C10orf90: variants seen among roughly 807,000 people sequenced by gnomAD.
C10orf90 encodes the protein (E2-independent) E3 ubiquitin-conjugating enzyme FATS.
Under a neutral mutation model 62.5 loss-of-function variants are expected in C10orf90, and 56 were observed. The ratio of observed to expected loss-of-function variants is 0.90; its 90% confidence interval spans 0.72 to 1.12. The LOEUF (loss-of-function observed/expected upper bound fraction) is 1.12. C10orf90 is among the 50% of genes most tolerant of loss of function. The pLI is 0.00. For missense variants in C10orf90, 970 were observed against 880.4 expected (o/e 1.10, Z -1.29); for synonymous variants, 386 against 340.4 (o/e 1.13, Z -1.47).
intron 4 of C10orf90, among the ~76,000 whole-genome samples, chr10:126,488,290 TA>T (rs1861544310): frequency 6.6e-6 from 1 of 152,040 alleles, no homozygotes; most frequent in Admixed American, 6.6e-5. Flanking sequence ...AAGACATAAT[TA>T]AAACAAAGGG....
chr10:126,605,954 A>G (rs1448072781), intron 2 of C10orf90, among the ~76,000 whole-genome samples: 1 of 152,254 alleles, frequency 6.6e-6, no homozygotes, highest in Non-Finnish European at 1.5e-5. Flanking sequence ...TGTCTGAAAT[A>G]TGATCCTTAA....
chr10:126,630,736 T>A (rs1358639923), intron 2 of C10orf90, among the ~76,000 whole-genome samples: 1 of 152,134 alleles, frequency 6.6e-6, no homozygotes, highest in Non-Finnish European at 1.5e-5. Flanking sequence ...ACTTTACTTC[T>A]GAACTAAAAA....
chr10:126,446,656 G>A lies in C10orf90; in HGVS notation c.2188+12384C>T, dbSNP rs571075272. On this transcript the variant is annotated intron_variant, in intron 7 of 9. Coordinates refer to ENST00000488181, the MANE Select transcript of C10orf90 (RefSeq NM_001350921.2). ...GAAGTTTTTCACACTAAAGCAAAAG[G>A]ATACTAATTACTAACATCAAAACAT... Among the ~76,000 whole-genome samples, 7 of 152,170 alleles carry A rather than the reference G, an allele frequency of 4.6e-5. No homozygotes were observed. In the South Asian group the frequency reaches 1.5e-3, roughly 32 times the overall value.
chr10:126,645,605 A>T lies in C10orf90; in HGVS notation c.313+960T>A, dbSNP rs75485235. ...ACCCTGCCTAAAAAAAAAAAAAAAAAAAGAACAAGCTGTAAACCATGCTTC... is the reference window on the plus strand; with the variant it reads ...ACCCTGCCTAAAAAAAAAAAAAAAATAAGAACAAGCTGTAAACCATGCTTC... On this transcript the variant is annotated intron_variant, in intron 2 of 9. Coordinates refer to ENST00000488181, the MANE Select transcript of C10orf90 (RefSeq NM_001350921.2). Among the ~76,000 whole-genome samples, 515 of 152,092 alleles carry T rather than the reference A, an allele frequency of 3.4e-3. 3 individuals are homozygous for T. Among genetic ancestry groups the T allele is most frequent in the African/African-American group, 0.012 (503 of 41,482 alleles).
chr10:126,588,746 A>T (rs758770766), intron 2 of C10orf90, among the ~76,000 whole-genome samples: 2 of 152,226 alleles, frequency 1.3e-5, no homozygotes, highest in Non-Finnish European at 2.9e-5. Context: ...CACAAAGATG[A>T]GAGAGAATCA....
At chr10:126,634,085 A>G (rs1845903134) in intron 2 of C10orf90, among the ~76,000 whole-genome samples, 1 of 152,208 alleles carries the variant, frequency 6.6e-6, no homozygotes, top group African/African-American at 2.4e-5. Context: ...TCCTTAAAAA[A>G]TTAAAAATAA....
At chr10:126,480,063 A>T (rs534867698) in intron 4 of C10orf90, among the ~76,000 whole-genome samples, 1 of 152,332 alleles carries the variant, frequency 6.6e-6, no homozygotes, top group Non-Finnish European at 1.5e-5. Context: ...GGTTCAAAAG[A>T]TCTGTATTCC....
chr10:126,576,837 C>T (rs551692470), intron 2 of C10orf90, among the ~76,000 whole-genome samples: 3 of 147,610 alleles, frequency 2.0e-5, no homozygotes, highest in South Asian at 4.3e-4. Flanking sequence ...AAAATCTTCT[C>T]ATTTGTGGCA....
chr10:126,534,783 C>A (rs539002364), intron 2 of C10orf90, among the ~76,000 whole-genome samples: 1 of 152,176 alleles, frequency 6.6e-6, no homozygotes, highest in Non-Finnish European at 1.5e-5. Context: ...GGGGAGCAAG[C>A]GGTGGCTTTG....
At chr10:126,641,082 A>C (rs1049861535) in intron 2 of C10orf90, among the ~76,000 whole-genome samples, 11 of 152,202 alleles carry the variant, frequency 7.2e-5, no homozygotes, top group Admixed American at 5.9e-4. Context: ...AGGGAAAGTA[A>C]ACAGATAAAT....
At chr10:126,626,094 A>G (rs1845736134) in intron 2 of C10orf90, among the ~76,000 whole-genome samples, 1 of 149,132 alleles carries the variant, frequency 6.7e-6, no homozygotes, top group Admixed American at 6.7e-5. Context: ...GTGCCACTGC[A>G]CTCAACCCTG....
chr10:126,506,975 GC>G (rs1445783705), intron 3 of C10orf90, among the ~76,000 whole-genome samples: 1 of 151,972 alleles, frequency 6.6e-6, no homozygotes, highest in African/African-American at 2.4e-5. Flanking sequence ...CACCTGAGGG[GC>G]TTTGTGTCCT....
intron 2 of C10orf90, among the ~76,000 whole-genome samples, chr10:126,625,133 G>A (rs1845717784): frequency 6.6e-6 from 1 of 152,132 alleles, no homozygotes; most frequent in South Asian, 2.1e-4. Context: ...TCTTGGAAGT[G>A]GAGCAATTGT....
intron 7 of C10orf90, among the ~76,000 whole-genome samples, chr10:126,440,698 A>G (rs1858250373): frequency 6.6e-6 from 1 of 152,166 alleles, no homozygotes; most frequent in Non-Finnish European, 1.5e-5. Flanking sequence ...AGACCCACAG[A>G]CGGTTAACAT....
intron 2 of C10orf90, among the ~76,000 whole-genome samples, chr10:126,601,659 T>C (rs1845199962): frequency 6.6e-6 from 1 of 152,238 alleles, no homozygotes; most frequent in Admixed American, 6.5e-5. Flanking sequence ...TTTTTCTAAT[T>C]ATACCCTAGA....
intron 2 of C10orf90, chr10:126,524,588 G>T (rs1863877509): frequency 4.1e-6 from 4 of 975,122 alleles, no homozygotes; most frequent in Non-Finnish European, 4.9e-6. Context: ...TCCCCATTTT[G>T]GGAGCCTTAG....
At chr10:126,652,027 G>A (rs910178949) in intron 1 of C10orf90, among the ~76,000 whole-genome samples, 1 of 152,144 alleles carries the variant, frequency 6.6e-6, no homozygotes, top group Non-Finnish European at 1.5e-5. Flanking sequence ...ACTCTCTACC[G>A]CTAATCTAGA....
At chr10:126,631,641 A>G (rs1845852298) in intron 2 of C10orf90, among the ~76,000 whole-genome samples, 1 of 151,962 alleles carries the variant, frequency 6.6e-6, no homozygotes, top group South Asian at 2.1e-4. Context: ...GGAAGTATTC[A>G]GTAAGAGGGG....
intron 7 of C10orf90, among the ~76,000 whole-genome samples, chr10:126,443,238 T>A (rs555545834): frequency 1.5e-3 from 222 of 152,016 alleles, no homozygotes; most frequent in Admixed American, 2.6e-3. Context: ...GCTGGTTTTT[T>A]AAAAGATAAA....
Sources: gnomAD v4.1 joint callset for allele counts (sites outside exome capture counted in the v4.1 genomes callset) on GRCh38, gnomAD v4.1.1 for gene constraint, MANE v1.5 for transcripts, NCBI Gene and HGNC (gene_info 2026-07-23, HGNC 2026-07-21) for gene names.